The following PPM1L variants were observed in gnomAD, a reference collection of about 807,000 sequenced individuals.
PPM1L encodes the protein protein phosphatase, Mg2+/Mn2+ dependent 1L.
In PPM1L, 13 loss-of-function variants were observed where a neutral mutation model predicts 31.4. The ratio of observed to expected loss-of-function variants is 0.41; its 90% CI spans 0.27 to 0.66. The LOEUF (loss-of-function observed/expected upper bound fraction) is 0.66. Ranked by LOEUF, PPM1L falls within the 30% of genes least tolerant of loss-of-function variation. PPM1L has a pLI of 0.29. For synonymous variants in PPM1L, 184 were observed against 175.4 expected (o/e 1.05, Z -0.39); for missense variants, 326 against 453.7 (o/e 0.72, Z 2.56).
intron 1 of PPM1L, among the ~76,000 whole-genome samples, chr3:160,893,983 T>G (rs895158526): frequency 2.0e-5 from 3 of 152,212 alleles, no homozygotes; most frequent in African/African-American, 7.2e-5. Context: ...TAGATGATCT[T>G]GCTCAACTAG....
At chr3:161,048,196 A>C (rs1001614494) in intron 2 of PPM1L, among the ~76,000 whole-genome samples, 10 of 152,248 alleles carry the variant, frequency 6.6e-5, no homozygotes, top group African/African-American at 2.4e-4. Context: ...TATCTGACAA[A>C]GGGCTAATAT....
intron 2 of PPM1L, among the ~76,000 whole-genome samples, chr3:161,008,227 T>G (rs1717777687): frequency 6.6e-6 from 1 of 152,232 alleles, no homozygotes; most frequent in Admixed American, 6.5e-5. Flanking sequence ...TGTTTGATTT[T>G]AGGCCATAAG....
chr3:160,781,151 C>G, intron 1 of PPM1L, among the ~76,000 whole-genome samples: 1 of 152,108 alleles, frequency 6.6e-6, no homozygotes, highest in Non-Finnish European at 1.5e-5. Context: ...CCCCAGAAGC[C>G]CCACTCATGT....
intron 2 of PPM1L, among the ~76,000 whole-genome samples, chr3:161,025,757 G>A (rs1193560834): frequency 1.3e-5 from 2 of 152,174 alleles, no homozygotes; most frequent in Non-Finnish European, 2.9e-5. Context: ...CCAGTCACTG[G>A]TATTTTGTTA....
At chr3:161,000,694 C>T (rs1053811641) in intron 2 of PPM1L, among the ~76,000 whole-genome samples, 2 of 152,104 alleles carry the variant, frequency 1.3e-5, no homozygotes, top group Non-Finnish European at 2.9e-5. Context: ...TGCCCAATAC[C>T]TAGCCTTTTA....
intron 1 of PPM1L, among the ~76,000 whole-genome samples, chr3:160,840,995 C>T (rs1174970399): frequency 1.3e-5 from 2 of 152,098 alleles, no homozygotes; most frequent in African/African-American, 4.8e-5. Context: ...AATACTTTGC[C>T]AGCTCTCTGG....
chr3:160,792,345 A>G (rs1383355981), intron 1 of PPM1L, among the ~76,000 whole-genome samples: 1 of 152,196 alleles, frequency 6.6e-6, no homozygotes, highest in East Asian at 1.9e-4. Context: ...AGTACCAAAG[A>G]TCACTTATTT....
At chr3:160,917,521 G>A (rs1449536462) in intron 1 of PPM1L, among the ~76,000 whole-genome samples, 1 of 152,034 alleles carries the variant, frequency 6.6e-6, no homozygotes, top group Non-Finnish European at 1.5e-5. Context: ...TATGGTTCAG[G>A]CACAGCATAA....
intron 1 of PPM1L, among the ~76,000 whole-genome samples, chr3:160,899,562 C>T (rs80256916): frequency 0.011 from 1,573 of 148,772 alleles, 27 homozygotes; most frequent in African/African-American, 0.037. Flanking sequence ...TTGGTCACTT[C>T]ACTTAGGTTT....
chr3:160,866,938 G>A (rs1712112531), intron 1 of PPM1L, among the ~76,000 whole-genome samples: 1 of 152,062 alleles, frequency 6.6e-6, no homozygotes, highest in Admixed American at 6.6e-5. Flanking sequence ...TTGACCTCCT[G>A]GTCTCAAGCA....
At chr3:160,933,157 A>G (rs932489530) in intron 1 of PPM1L, among the ~76,000 whole-genome samples, 1 of 152,208 alleles carries the variant, frequency 6.6e-6, no homozygotes, top group Non-Finnish European at 1.5e-5. Context: ...TCTTAGATAA[A>G]ATTGCCTTGT....
intron 1 of PPM1L, among the ~76,000 whole-genome samples, chr3:160,788,814 A>C: frequency 6.6e-6 from 1 of 151,962 alleles, no homozygotes; most frequent in Non-Finnish European, 1.5e-5. Flanking sequence ...TTTGAAATGC[A>C]GTTTTATGTA....
intron 1 of PPM1L, among the ~76,000 whole-genome samples, chr3:160,830,264 T>C (rs1373448494): frequency 1.3e-5 from 2 of 152,192 alleles, no homozygotes; most frequent in Non-Finnish European, 2.9e-5. Flanking sequence ...ATGGATTAGC[T>C]CATTTAATCC....
chr3:160,991,913 A>G (rs942521709), intron 2 of PPM1L, among the ~76,000 whole-genome samples: 11 of 152,240 alleles, frequency 7.2e-5, no homozygotes, highest in African/African-American at 2.2e-4. Context: ...ATGATAACTA[A>G]TAATTATTGA....
chr3:160,921,311 T>C (rs1243855280), intron 1 of PPM1L, among the ~76,000 whole-genome samples: 1 of 152,212 alleles, frequency 6.6e-6, no homozygotes, highest in Non-Finnish European at 1.5e-5. Context: ...GTGAGTGATA[T>C]GAGATTTTTT....
At chr3:160,757,602 C>CATTG (rs1256208408) in intron 1 of PPM1L, among the ~76,000 whole-genome samples, 1 of 152,250 alleles carries the variant, frequency 6.6e-6, no homozygotes, top group Non-Finnish European at 1.5e-5. Flanking sequence ...GGTCCTTGCG[C>CATTG]ATTGGCCCAG....
chr3:160,949,182 A>G (rs1715501040), intron 1 of PPM1L, among the ~76,000 whole-genome samples: 1 of 152,134 alleles, frequency 6.6e-6, no homozygotes. Context: ...GAAAAAACCG[A>G]AGCCCTGTCC....
chr3:160,805,135 A>AT (rs1046841033), intron 1 of PPM1L, among the ~76,000 whole-genome samples: 39 of 152,274 alleles, frequency 2.6e-4, no homozygotes, highest in African/African-American at 9.1e-4. Flanking sequence ...ATCATCTGTG[A>AT]TTTTTTATTA....
intron 1 of PPM1L, among the ~76,000 whole-genome samples, chr3:160,935,290 C>T (rs922358700): frequency 3.3e-5 from 5 of 152,164 alleles, no homozygotes; most frequent in African/African-American, 7.2e-5. Context: ...GATGTAGTTT[C>T]GATTCTGATC....
Sources: gnomAD v4.1 joint callset for allele counts (sites outside exome capture counted in the v4.1 genomes callset) on GRCh38, gnomAD v4.1.1 for gene constraint, MANE v1.5 for transcripts, NCBI Gene and HGNC (gene_info 2026-07-23, HGNC 2026-07-21) for gene names.